ASIC2: variants seen among roughly 807,000 people sequenced by gnomAD.
ASIC2 encodes the protein acid-sensing ion channel 2.
Under a neutral mutation model 57.3 loss-of-function variants are expected in ASIC2, and 25 were observed. The observed-to-expected ratio is 0.44, with a 90% CI of 0.32 to 0.61. The LOEUF (loss-of-function observed/expected upper bound fraction) is 0.61, where lower values mean the gene tolerates loss of function less well. Among genes scored for constraint, ASIC2 ranks in the 20% least tolerant of loss-of-function variants. The pLI is 0.06. For synonymous variants in ASIC2, 319 were observed against 307.5 expected (o/e 1.04, Z -0.39); for missense variants, 641 against 738.1 (o/e 0.87, Z 1.52).
At chr17:33,423,643 G>A (rs1911118216) in intron 1 of ASIC2, among the ~76,000 whole-genome samples, 1 of 152,108 alleles carries the variant, frequency 6.6e-6, no homozygotes, top group Non-Finnish European at 1.5e-5. Context: ...CCTTGCCCTG[G>A]TTTCAGCTAC....
chr17:33,201,682 T>C (rs1215494144), intron 1 of ASIC2, among the ~76,000 whole-genome samples: 2 of 152,102 alleles, frequency 1.3e-5, no homozygotes. Flanking sequence ...GTAGCCCTGC[T>C]CGGTAAGGAG....
chr17:34,058,575 G>A (rs1006445230), intron 1 of ASIC2, among the ~76,000 whole-genome samples: 2 of 152,194 alleles, frequency 1.3e-5, no homozygotes, highest in African/African-American at 2.4e-5. Flanking sequence ...CAGGTAGCAG[G>A]CCTTGAAACG....
intron 1 of ASIC2, among the ~76,000 whole-genome samples, chr17:33,420,471 C>A (rs12943952): frequency 0.28 from 43,210 of 152,054 alleles, 7,163 homozygotes; most frequent in South Asian, 0.39. Flanking sequence ...AAAACATGAA[C>A]TAAAGGTATG....
intron 1 of ASIC2, among the ~76,000 whole-genome samples, chr17:33,351,066 CT>C (rs1368926554): frequency 6.6e-6 from 1 of 152,258 alleles, no homozygotes; most frequent in Admixed American, 6.5e-5. Context: ...ACTATCTAGC[CT>C]TTGGTGTCAG....
intron 1 of ASIC2, among the ~76,000 whole-genome samples, chr17:33,932,412 A>AT (rs1431771610): frequency 6.6e-6 from 1 of 152,132 alleles, no homozygotes; most frequent in Non-Finnish European, 1.5e-5. Flanking sequence ...TAAATAAAAT[A>AT]TAGTATAAAA....
intron 1 of ASIC2, among the ~76,000 whole-genome samples, chr17:33,133,126 G>A (rs912146306): frequency 6.6e-6 from 1 of 152,224 alleles, no homozygotes; most frequent in African/African-American, 2.4e-5. Context: ...TGGGCTGAGC[G>A]ATCAGCTCTC....
chr17:33,161,280 C>T (rs1268145084), intron 1 of ASIC2, among the ~76,000 whole-genome samples: 1 of 152,192 alleles, frequency 6.6e-6, no homozygotes, highest in Non-Finnish European at 1.5e-5. Context: ...AGGATCTTGT[C>T]TTCCTTTATA....
intron 1 of ASIC2, among the ~76,000 whole-genome samples, chr17:34,011,022 G>A (rs1430856455): frequency 5.5e-4 from 1 of 1,830 alleles, no homozygotes; most frequent in African/African-American, 1.9e-3. Flanking sequence ...AGATGCCAAA[G>A]TCAGACACAT....
intron 1 of ASIC2, among the ~76,000 whole-genome samples, chr17:34,127,943 A>G (rs2142124877): frequency 6.6e-6 from 1 of 152,198 alleles, no homozygotes; most frequent in Non-Finnish European, 1.5e-5. Context: ...TGTGAGCTCT[A>G]CCTTATTCTA....
intron 1 of ASIC2, among the ~76,000 whole-genome samples, chr17:33,555,987 A>G (rs1188576315): frequency 2.0e-5 from 3 of 152,210 alleles, no homozygotes; most frequent in Non-Finnish European, 4.4e-5. Flanking sequence ...GGATCTGTTG[A>G]TCATAGCCCA....
intron 1 of ASIC2, among the ~76,000 whole-genome samples, chr17:34,012,803 C>A (rs1299499411): frequency 6.6e-6 from 1 of 151,920 alleles, no homozygotes; most frequent in Non-Finnish European, 1.5e-5. Flanking sequence ...ATGAATGAGG[C>A]AAACTAACTC....
intron 1 of ASIC2, among the ~76,000 whole-genome samples, chr17:34,007,097 C>T (rs1411205821): frequency 6.6e-6 from 1 of 152,176 alleles, no homozygotes; most frequent in Non-Finnish European, 1.5e-5. Context: ...ATAATCAAAG[C>T]AAATGGCATC....
chr17:33,859,718 C>A (rs2141922842), intron 1 of ASIC2, among the ~76,000 whole-genome samples: 1 of 152,226 alleles, frequency 6.6e-6, no homozygotes, highest in Non-Finnish European at 1.5e-5. Context: ...ACAGGGTCTG[C>A]CACCCAAGCT....
intron 1 of ASIC2, among the ~76,000 whole-genome samples, chr17:33,879,074 A>T (rs934269982): frequency 3.3e-5 from 5 of 152,166 alleles, no homozygotes; most frequent in African/African-American, 1.2e-4. Context: ...TTTTGTCACC[A>T]CCAGGCCTGC....
intron 1 of ASIC2, among the ~76,000 whole-genome samples, chr17:33,820,896 G>A (rs1032035657): frequency 1.1e-4 from 16 of 152,146 alleles, no homozygotes; most frequent in Admixed American, 5.2e-4. Flanking sequence ...CTAAAATTAC[G>A]TATAAGGCTT....
chr17:33,111,821 C>T (rs2092259226), intron 2 of ASIC2, 96 bp downstream of exon 2: 1 of 1,474,944 alleles, frequency 6.8e-7, no homozygotes, highest in Non-Finnish European at 9.1e-7. Context: ...GAGAGCAGTC[C>T]CTCACAGGGT....
chr17:33,250,511 C>T (rs1376382812), intron 1 of ASIC2, among the ~76,000 whole-genome samples: 4 of 152,198 alleles, frequency 2.6e-5, no homozygotes, highest in Non-Finnish European at 5.9e-5. Flanking sequence ...GCCTTGGCTG[C>T]GAGTTCTGCC....
At chr17:33,475,907 A>G (rs1913204822) in intron 1 of ASIC2, among the ~76,000 whole-genome samples, 1 of 152,158 alleles carries the variant, frequency 6.6e-6, no homozygotes, top group Admixed American at 6.6e-5. Flanking sequence ...TTCTCTTGCA[A>G]TTTTGATCCA....
At chr17:33,939,793 C>T (rs1400619471) in intron 1 of ASIC2, among the ~76,000 whole-genome samples, 8 of 152,202 alleles carry the variant, frequency 5.3e-5, no homozygotes, top group Non-Finnish European at 1.2e-4. Flanking sequence ...ATGCTTTCCT[C>T]TGAATCTGGC....
Sources: allele counts gnomAD v4.1 joint callset (sites outside exome capture counted in the v4.1 genomes callset), GRCh38; gene constraint gnomAD v4.1.1; transcripts MANE v1.5; gene names NCBI Gene and HGNC (gene_info 2026-07-23, HGNC 2026-07-21).